Variants in PAX7 observed in about 807,000 individuals in gnomAD.
The protein encoded by PAX7 is paired box protein Pax-7.
Under a neutral mutation model 50.7 loss-of-function variants are expected in PAX7, and 18 were observed. The ratio of observed to expected loss-of-function variants is 0.36; its 90% confidence interval spans 0.25 to 0.53. PAX7 has a LOEUF of 0.53. PAX7 is among the 20% of genes least tolerant of loss of function. The probability of loss-of-function intolerance (pLI) is 0.93; values close to 1 mark genes in which losing one functional copy is unlikely to be tolerated. For synonymous variants in PAX7, 310 were observed against 290.4 expected, an observed-to-expected ratio of 1.07 and a Z score of -0.69; for missense variants, 644 against 702.9, an observed-to-expected ratio of 0.92 and a Z score of 0.95.
intron 4 of PAX7, among the ~76,000 whole-genome samples, chr1:18,680,984 A>G (rs747004505): frequency 6.6e-6 from 1 of 151,992 alleles, no homozygotes; most frequent in Non-Finnish European, 1.5e-5. Context: ...CCTGACCAAC[A>G]TGGAGAAACC....
rs191271197 is a variant in PAX7, at chr1:18,631,584, C to A, written c.-20C>A. 16 of 1,605,906 alleles carry A rather than the reference C, an allele frequency of 1.0e-5. No homozygotes were observed. In the African/African-American group the frequency reaches 2.0e-4, roughly 20 times the overall value. ...AAGCGATTTTTGCCGACTTTGGATT[C>A]GTCCCCGGCGTGCGCAAGAATGGCG... On this transcript the variant is annotated 5_prime_UTR_variant, in exon 1 of 9. Transcript: ENST00000420770.
At position 18,636,383 on chromosome 1, in the gene PAX7, C is replaced by G. The variant is rs1428142040; in HGVS notation, c.586+12C>G. 6.2e-7 allele frequency: 1 copy of G among 1,612,688 alleles called. No individual in the cohort carries two copies. The highest frequency in any genetic ancestry group is 1.1e-5 in the South Asian group (1 of 91,006). ...CCTGGGCGACAAAGGTAGGGAACTT[C>G]CCTGGGCTGCGAGGCCCCAGCCCGG... On this transcript the variant is annotated intron_variant, in intron 4 of 8. Coordinates refer to ENST00000420770, the MANE Select transcript of PAX7 (RefSeq NM_001135254.2). The surrounding 1 kb of genome is among the most constrained non-coding windows in gnomAD (Gnocchi z 5.1).
chr1:18,667,432 A>AAGGAAGGG, intron 4 of PAX7, among the ~76,000 whole-genome samples: 1 of 151,318 alleles, frequency 6.6e-6, no homozygotes, highest in South Asian at 2.1e-4. Flanking sequence ...GGAAGGAAGG[A>AAGGAAGGG]AGGAAGGAAG....
At position 18,634,279 on chromosome 1, in the gene PAX7, C is replaced by A; in HGVS notation, c.86-24C>A. The A allele has an allele frequency of 6.3e-7, 1 of 1,589,710 alleles. No homozygotes were observed. The highest frequency in any genetic ancestry group is 8.6e-7 in the Non-Finnish European group (1 of 1,160,398). The stretch of plus-strand genomic sequence containing the variant: ...ATCCTCACCCTGCACCTCTCTCCTT[C>A]TGCATCTCCCCTCCCTTCTCCAGTG... On this transcript the variant is annotated intron_variant, in intron 1 of 8. Coordinates refer to ENST00000420770, the MANE Select transcript of PAX7 (RefSeq NM_001135254.2). This position sits in a 1 kb window ranked among gnomAD's most constrained non-coding sequence, Gnocchi z 4.0.
At position 18,748,148 on chromosome 1, in the gene PAX7, G is replaced by T. The variant is rs5014244; in HGVS notation, c.*3219G>T. The T allele has an allele frequency of 6.7e-4, 147 of 220,686 alleles. 1 individual carries two copies. In the East Asian group the frequency reaches 8.7e-3, roughly 13 times the overall value. 13.7% of individuals were successfully genotyped at this position (220,686 alleles called of 1,614,324 possible). A position where few individuals can be genotyped will look rare whatever the true frequency, so the allele number is the denominator to read the frequency against. On this transcript the variant is annotated 3_prime_UTR_variant, in exon 9 of 9. Transcript: ENST00000420770. ...GAAGAAAAGAAGAATGGAGAGAGAG[G>T]TTTGCCCAGAAGGAAAACGAAGAGC...
At chr1:18,740,268 C>A (rs1361143203) in intron 8 of PAX7, among the ~76,000 whole-genome samples, 1 of 152,172 alleles carries the variant, frequency 6.6e-6, no homozygotes, top group African/African-American at 2.4e-5. Context: ...TTGGCAGGGT[C>A]ATCAGGAAAG....
At chr1:18,712,791 C>G (rs1164549593) in intron 7 of PAX7, among the ~76,000 whole-genome samples, 2 of 152,144 alleles carry the variant, frequency 1.3e-5, no homozygotes, top group African/African-American at 4.8e-5. Flanking sequence ...CCTTCAAGGA[C>G]CACTCTGGGG....
At chr1:18,738,057 T>C (rs1930894435) in intron 8 of PAX7, among the ~76,000 whole-genome samples, 1 of 152,196 alleles carries the variant, frequency 6.6e-6, no homozygotes, top group Non-Finnish European at 1.5e-5. Context: ...TGAGTGTATG[T>C]TTGAGTATGT....
intron 7 of PAX7, among the ~76,000 whole-genome samples, chr1:18,733,316 C>T (rs558780997): frequency 4.1e-4 from 63 of 152,276 alleles, no homozygotes; most frequent in African/African-American, 1.3e-3. Flanking sequence ...CAACACAGAG[C>T]GAGTTAGGGA....
chr1:18,725,309 C>A lies in PAX7; in HGVS notation c.1156-10323C>A, dbSNP rs75636919. Reference sequence around the variant, plus strand: ...AATTACAGAGGTGGAGACGCCCCCCCCCCGCCCCACCAACACCGCCAGGCC... The same window carrying A: ...AATTACAGAGGTGGAGACGCCCCCCACCCGCCCCACCAACACCGCCAGGCC... On this transcript the variant is annotated intron_variant, in intron 7 of 8. Transcript: ENST00000420770. Among the ~76,000 whole-genome samples the A allele has an allele frequency of 1.7e-3, 98 of 57,198 alleles. 2 individuals are homozygous for A. The highest frequency in any genetic ancestry group is 9.4e-3 in the African/African-American group (76 of 8,062). 37.5% of individuals were successfully genotyped at this position (57,198 alleles called of 152,430 possible).
intron 7 of PAX7, among the ~76,000 whole-genome samples, chr1:18,708,682 C>T (rs1283315066): frequency 1.3e-5 from 2 of 152,054 alleles, no homozygotes; most frequent in African/African-American, 4.8e-5. Context: ...TCTAGGAATC[C>T]CAAGCAGGCC....
At chr1:18,714,412 G>A (rs943284140) in intron 7 of PAX7, among the ~76,000 whole-genome samples, 13 of 151,954 alleles carry the variant, frequency 8.6e-5, no homozygotes, top group African/African-American at 2.7e-4. Flanking sequence ...TTCCACACCC[G>A]GCATCTAGTA....
At chr1:18,635,054 AT>A in intron 2 of PAX7, 56 bp from the exon 3 acceptor site, 1 of 1,595,308 alleles carries the variant, frequency 6.3e-7, no homozygotes, top group Middle Eastern at 1.7e-4. Context: ...TATTAAAAGT[AT>A]TTTCCTCCCC....
At chr1:18,699,795 T>G (rs905574683) in intron 5 of PAX7, among the ~76,000 whole-genome samples, 1 of 152,036 alleles carries the variant, frequency 6.6e-6, no homozygotes, top group African/African-American at 2.4e-5. Flanking sequence ...TCTCCTGACC[T>G]CGTGATCCGC....
At chr1:18,699,775 A>G (rs1045901524) in intron 5 of PAX7, among the ~76,000 whole-genome samples, 2 of 151,938 alleles carry the variant, frequency 1.3e-5, no homozygotes, top group East Asian at 1.9e-4. Context: ...ATTAGCCAGG[A>G]TGGTCTCAAT....
At chr1:18,635,281 G>A in intron 3 of PAX7, 41 bp downstream of exon 3, 1 of 1,609,486 alleles carries the variant, frequency 6.2e-7, no homozygotes, top group Non-Finnish European at 8.5e-7. Context: ...CCCAGAGTGT[G>A]GCCAGGGGTC....
intron 5 of PAX7, among the ~76,000 whole-genome samples, chr1:18,694,192 T>A (rs1451849317): frequency 6.6e-6 from 1 of 152,170 alleles, no homozygotes; most frequent in Non-Finnish European, 1.5e-5. Flanking sequence ...ACTGGTGCGG[T>A]GGTTCACTCC....
chr1:18,692,001 T>A, intron 5 of PAX7, 48 bp downstream of exon 5: 2 of 1,567,838 alleles, frequency 1.3e-6, no homozygotes, highest in Non-Finnish European at 1.7e-6. Flanking sequence ...CTCCAGAGAT[T>A]CAGAAGTTTG....
chr1:18,734,318 C>T (rs1231334208), intron 7 of PAX7, among the ~76,000 whole-genome samples: 4 of 152,228 alleles, frequency 2.6e-5, no homozygotes, highest in African/African-American at 9.6e-5. Flanking sequence ...GTCTTCCTCC[C>T]ATAAAGGGCG....
Sources: gnomAD v4.1 joint callset for allele counts (sites outside exome capture counted in the v4.1 genomes callset) on GRCh38, gnomAD v4.1.1 for gene constraint, Gnocchi (gnomAD v3.1) non-coding constraint, MANE v1.5 for transcripts, NCBI Gene and HGNC (gene_info 2026-07-23, HGNC 2026-07-21) for gene names.